Variants in AKAP9 observed in about 807,000 individuals in gnomAD.
The protein encoded by AKAP9 is A-kinase anchor protein 9.
A neutral mutation model predicts 488.5 loss-of-function variants in AKAP9; 311 were observed. The observed-to-expected ratio is 0.64, with a 90% confidence interval of 0.58 to 0.70. AKAP9 has a LOEUF of 0.70. Ranked by LOEUF, AKAP9 falls within the 30% of genes least tolerant of loss-of-function variation. The pLI is 0.00. For missense variants in AKAP9, 4,215 were observed against 4,374.5 expected, an observed-to-expected ratio of 0.96 and a Z score of 1.03; for synonymous variants, 1,462 against 1,483.5, an observed-to-expected ratio of 0.99 and a Z score of 0.33.
intron 14 of AKAP9, among the ~76,000 whole-genome samples, chr7:92,028,378 C>T (rs554279940): frequency 3.4e-5 from 5 of 148,346 alleles, no homozygotes; most frequent in East Asian, 4.0e-4. Context: ...TCATAATGAC[C>T]GGATAGATAA....
At chr7:92,004,747 A>G (rs895371297) in intron 8 of AKAP9, among the ~76,000 whole-genome samples, 1 of 152,206 alleles carries the variant, frequency 6.6e-6, no homozygotes, top group Non-Finnish European at 1.5e-5. Flanking sequence ...TAGATATACA[A>G]TCACGTCATC....
chr7:92,047,785 T>A (rs1807258394), intron 21 of AKAP9, among the ~76,000 whole-genome samples: 1 of 152,224 alleles, frequency 6.6e-6, no homozygotes, highest in Admixed American at 6.5e-5. Context: ...AAAAGCTAAA[T>A]CCACAGTTAA....
At chr7:92,084,466 T>G (rs1219368966) in intron 33 of AKAP9, among the ~76,000 whole-genome samples, 174 bp from the exon 34 acceptor site, 1 of 151,930 alleles carries the variant, frequency 6.6e-6, no homozygotes, top group African/African-American at 2.4e-5. Context: ...CTTCTTATGG[T>G]AATATTCATG....
At chr7:92,049,347 C>T (rs1288293465) in intron 21 of AKAP9, among the ~76,000 whole-genome samples, 1 of 152,138 alleles carries the variant, frequency 6.6e-6, no homozygotes, top group African/African-American at 2.4e-5. Flanking sequence ...CACAGTGGCT[C>T]ACACCTGTAA....
intron 8 of AKAP9, among the ~76,000 whole-genome samples, chr7:92,005,175 A>T (rs1799668191): frequency 6.6e-6 from 1 of 152,144 alleles, no homozygotes; most frequent in Admixed American, 6.6e-5. Context: ...AGCCCACTTG[A>T]TCATGGTGGA....
Position 92,016,997 on chromosome 7 carries a change from ATTGT to A in AKAP9, c.3752-13_3752-10del, listed in dbSNP as rs754760112. Reference sequence around the variant, plus strand: ...TTTACTGTGAAGTGAAATTATTGTAATTGTTTGTTTACCATCCAGACTTTCAAGA... The same window carrying A: ...TTTACTGTGAAGTGAAATTATTGTAATTGTTTACCATCCAGACTTTCAAGA... On this transcript the variant is annotated splice_polypyrimidine_tract_variant and intron_variant, in intron 11 of 49. Transcript: ENST00000356239. 1.0e-5 allele frequency: 15 copies of A among 1,477,806 alleles called. No individual in the cohort carries two copies. The highest frequency in any genetic ancestry group is 3.5e-5 in the Admixed American group (2 of 57,346). 91.5% of individuals were successfully genotyped at this position (1,477,806 alleles called of 1,614,324 possible). A position where few individuals can be genotyped will look rare whatever the true frequency, so the allele number is the denominator to read the frequency against.
chr7:92,082,570 G>C lies in AKAP9; in HGVS notation c.8068G>C (p.Glu2690Gln). ...HSNEESGFFN[E>Q]LEALRAESVA... ...CAATGAAGAAAGTGGATTTTTTAAT[G>C]AACTCGAGGCTCTTAGAGCTGAATC... is the stretch of plus-strand genomic sequence containing the variant. The change falls in exon 32 of 50, where the codon GAA (glutamate) becomes CAA (glutamine). Residue 2690 changes from glutamate to glutamine, a missense_variant. Physicochemically the swap from Glu to Gln is conservative, Grantham distance 29. Coordinates refer to ENST00000356239, the MANE Select transcript of AKAP9 (RefSeq NM_005751.5). 2 of 1,613,822 alleles carry C rather than the reference G, an allele frequency of 1.2e-6. No individual in the cohort carries two copies. The highest frequency in any genetic ancestry group is 1.7e-6 in the Non-Finnish European group (2 of 1,179,860).
At chr7:92,066,291 T>C in intron 25 of AKAP9, 136 bp from the exon 26 acceptor site, 1 of 1,100,068 alleles carries the variant, frequency 9.1e-7, no homozygotes, top group African/African-American at 1.6e-5. Context: ...AAAACTTTTG[T>C]GATTTGGGAT....
rs761435123 is a variant in AKAP9, at chr7:92,086,385, T to G, written c.9182T>G (p.Leu3061Arg). 1 of 1,613,928 alleles carries G rather than the reference T, an allele frequency of 6.2e-7. No individual in the cohort carries two copies. The highest frequency in any genetic ancestry group is 8.5e-7 in the Non-Finnish European group (1 of 1,179,924). The change falls in exon 37 of 50, where the codon CTA becomes CGA. Residue 3061 changes from leucine to arginine, a missense_variant. Transcript: ENST00000356239. ...GGTACTACAGATGCAGTTGGTTTACTAAACTGTTTGGAACAGAGAATACAA... is the reference window on the plus strand; with the variant it reads ...GGTACTACAGATGCAGTTGGTTTACGAAACTGTTTGGAACAGAGAATACAA... Reference protein sequence around the residue: ...ALGTTDAVGLLNCLEQRIQEQ... With the variant: ...ALGTTDAVGLRNCLEQRIQEQ...
At chr7:91,985,614 T>C (rs547098066) in intron 3 of AKAP9, among the ~76,000 whole-genome samples, 1 of 152,170 alleles carries the variant, frequency 6.6e-6, no homozygotes, top group Non-Finnish European at 1.5e-5. Flanking sequence ...ATCAGGATGA[T>C]GCTGGCCTCA....
Position 92,110,386 on chromosome 7 carries a change from G to T in AKAP9, c.*227G>T. ...ATTATTGAATTACCTGTATATTTGT[G>T]GAATGCTAATTTAAAACATTAAATT... On this transcript the variant is annotated 3_prime_UTR_variant, in exon 50 of 50. Coordinates refer to ENST00000356239, the MANE Select transcript of AKAP9 (RefSeq NM_005751.5). 3 of 527,568 alleles carry T rather than the reference G, an allele frequency of 5.7e-6. No individual in the cohort carries two copies. The highest frequency in any genetic ancestry group is 1.0e-5 in the Non-Finnish European group (3 of 295,924). 32.7% of individuals were successfully genotyped at this position (527,568 alleles called of 1,614,324 possible). A position where few individuals can be genotyped will look rare whatever the true frequency, so the allele number is the denominator to read the frequency against.
chr7:92,078,773 C>T (rs1479213831), intron 30 of AKAP9, among the ~76,000 whole-genome samples: 1 of 151,976 alleles, frequency 6.6e-6, no homozygotes, highest in East Asian at 1.9e-4. Flanking sequence ...TTGGTGCCAT[C>T]GGTTGTAGAC....
intron 12 of AKAP9, among the ~76,000 whole-genome samples, chr7:92,017,984 A>T (rs774205950): frequency 6.6e-6 from 1 of 152,080 alleles, no homozygotes; most frequent in Non-Finnish European, 1.5e-5. Flanking sequence ...TATCATTTTA[A>T]TTGAGTAATG....
intron 19 of AKAP9, among the ~76,000 whole-genome samples, 164 bp downstream of exon 19, chr7:92,042,350 A>G (rs996035160): frequency 6.6e-6 from 1 of 152,224 alleles, no homozygotes; most frequent in African/African-American, 2.4e-5. Flanking sequence ...CTTACATTTC[A>G]TTTAAGGTAA....
Position 92,002,337 on chromosome 7 carries a change from A to T in AKAP9, c.2420A>T (p.Asp807Val). The change falls in exon 8 of 50, where the codon GAC becomes GTC. Residue 807 changes from aspartate (D) to valine (V), a missense_variant. Transcript: ENST00000356239. ...VSQEERLIFL[D>V]SIKSKSKDSV... ...CAAGAAGAAAGATTGATTTTCTTAG[A>T]CTCCATTAAGTCCAAATCCAAAGAC... The T allele has an allele frequency of 4.3e-6, 7 of 1,613,008 alleles. No individual in the cohort carries two copies. Among genetic ancestry groups the T allele is most frequent in the Non-Finnish European group, 5.9e-6 (7 of 1,179,366 alleles).
chr7:92,053,752 G>C (rs763045385), intron 22 of AKAP9, among the ~76,000 whole-genome samples: 1 of 151,934 alleles, frequency 6.6e-6, no homozygotes, highest in Non-Finnish European at 1.5e-5. Flanking sequence ...CTATGGCAGA[G>C]ACTTCTCAAA....
intron 28 of AKAP9, 64 bp downstream of exon 28, chr7:92,071,073 A>T: frequency 7.1e-7 from 1 of 1,417,262 alleles, no homozygotes; most frequent in Non-Finnish European, 1.0e-6. Context: ...TTACCTTGAA[A>T]ATATTATTTG....
chr7:91,981,066 AG>A (rs1796352077), intron 3 of AKAP9, among the ~76,000 whole-genome samples: 1 of 152,242 alleles, frequency 6.6e-6, no homozygotes, highest in African/African-American at 2.4e-5. Context: ...CTGCTACTTT[AG>A]AAGTTAATGT....
intron 21 of AKAP9, among the ~76,000 whole-genome samples, chr7:92,046,845 A>G (rs1455545185): frequency 2.6e-5 from 4 of 152,198 alleles, no homozygotes; most frequent in Non-Finnish European, 4.4e-5. Flanking sequence ...TTCTGCTGGT[A>G]AGACCTAGAC....
Sources: gnomAD v4.1 joint callset for allele counts (sites outside exome capture counted in the v4.1 genomes callset) on GRCh38, gnomAD v4.1.1 for gene constraint, MANE v1.5 for transcripts, NCBI Gene and HGNC (gene_info 2026-07-23, HGNC 2026-07-21) for gene names.